The following CNTNAP3B variants were observed in gnomAD, a reference collection of about 807,000 sequenced individuals.
CNTNAP3B encodes contactin-associated protein-like 3B.
CNTNAP3B carries 25 observed loss-of-function variants against 108.9 expected under a neutral mutation model. The ratio of observed to expected loss-of-function variants is 0.23; its 90% CI spans 0.17 to 0.32. CNTNAP3B has a LOEUF of 0.32. CNTNAP3B is among the 10% of genes least tolerant of loss of function. The pLI is 1.00. For synonymous variants in CNTNAP3B, 103 were observed against 473.4 expected (o/e 0.22, Z 10.16); for missense variants, 252 against 1,210.4 (o/e 0.21, Z 11.75).
intron 12 of CNTNAP3B, among the ~76,000 whole-genome samples, chr9:41,959,726 A>G (rs1825002938): frequency 1.3e-5 from 2 of 152,262 alleles, no homozygotes; most frequent in Non-Finnish European, 2.9e-5. Context: ...TTTTTTGACA[A>G]TCTTTGCTAA....
chr9:42,034,127 G>A (rs1264091694), intron 3 of CNTNAP3B, among the ~76,000 whole-genome samples: 5 of 113,332 alleles, frequency 4.4e-5, no homozygotes, highest in African/African-American at 1.1e-4. Context: ...TCTATATATC[G>A]TCTATCTTTC....
chr9:41,965,264 C>T (rs1825234596), intron 10 of CNTNAP3B, among the ~76,000 whole-genome samples: 1 of 152,272 alleles, frequency 6.6e-6, no homozygotes, highest in South Asian at 2.1e-4. Context: ...AAACAATAAT[C>T]CATCCTAAAA....
chr9:41,942,004 C>A (rs1383109751), intron 13 of CNTNAP3B, among the ~76,000 whole-genome samples: 16,997 of 144,910 alleles, frequency 0.12, 75 homozygotes, highest in Middle Eastern at 0.18. Flanking sequence ...ACATTCTAAT[C>A]CCCCAAAAAG....
chr9:41,993,532 T>C (rs1026903395), intron 7 of CNTNAP3B: 1 of 109,372 alleles, frequency 9.1e-6, no homozygotes, highest in Non-Finnish European at 1.9e-5. Flanking sequence ...ACGAACTAAA[T>C]ACCAAAAGCT....
chr9:42,118,174 T>A (rs62558075), intron 1 of CNTNAP3B, among the ~76,000 whole-genome samples: 1,904 of 139,528 alleles, frequency 0.014, 277 homozygotes, highest in South Asian at 0.057. Context: ...TAACTCATTT[T>A]ATGAGGCCAG....
intron 15 of CNTNAP3B, among the ~76,000 whole-genome samples, chr9:41,928,505 G>A (rs1166519707): frequency 0.02 from 3,016 of 149,208 alleles, 4 homozygotes; most frequent in East Asian, 0.11. Context: ...CTGCCTACAC[G>A]ATTGGCTACA....
chr9:41,918,562 T>C (rs983122545), intron 18 of CNTNAP3B, among the ~76,000 whole-genome samples: 19 of 143,830 alleles, frequency 1.3e-4, no homozygotes, highest in African/African-American at 5.4e-5. Context: ...CCATAAAATA[T>C]AAAGAATTTA....
intron 3 of CNTNAP3B, among the ~76,000 whole-genome samples, chr9:42,024,402 CA>C (rs1185043087): frequency 1.2e-5 from 1 of 86,744 alleles, no homozygotes; most frequent in Admixed American, 1.3e-4. Flanking sequence ...ACCTTATCAT[CA>C]GGTGCCTTGC....
rs1157889644 is a variant in CNTNAP3B at position 42,117,848 on chromosome 9, A to C, written c.85+11162T>G. 2.2e-5 allele frequency among the ~76,000 whole-genome samples: 3 copies of C among 139,218 alleles called. 1 individual carries two copies. The highest frequency in any genetic ancestry group is 4.6e-5 in the Non-Finnish European group (3 of 64,984). The allele number at this position is 139,218 out of a possible 152,430, so 91.3% of individuals were successfully genotyped here. A position where few individuals can be genotyped will look rare whatever the true frequency, so the allele number is the denominator to read the frequency against. ...AATAAAAAATGACAAAGGGGATATC[A>C]CCACCGATCCCACAGAAATACAAAC... On this transcript the variant is annotated intron_variant, in intron 1 of 23. Transcript: ENST00000377561.
chr9:41,964,049 C>T (rs1287282262), intron 11 of CNTNAP3B, among the ~76,000 whole-genome samples: 5 of 152,270 alleles, frequency 3.3e-5, no homozygotes, highest in African/African-American at 1.2e-4. Context: ...ATCCCATTAC[C>T]TCTTCAAAAA....
rs769674611 is a variant in CNTNAP3B at position 41,953,378 on chromosome 9, C to T, written c.1885G>A (p.Ala629Thr). The T allele has an allele frequency of 8.4e-6, 13 of 1,548,002 alleles. No homozygotes were observed. Among genetic ancestry groups the T allele is most frequent in the African/African-American group, 1.4e-5 (1 of 73,272 alleles). The change falls in exon 13 of 24, where the codon GCG (alanine) becomes ACG (threonine). Residue 629 changes from alanine to threonine, a missense_variant. Physicochemically the swap from Ala to Thr is moderately conservative, Grantham distance 58 (BLOSUM62 0). Transcript: ENST00000377561. The part of the protein sequence containing the change: ...LVYCNMTADS[A>T]WTVVRHGGPD... Reference sequence around the variant, plus strand: ...CCACCGTGCCGCACCACCGTCCACGCGGAGTCTGCTGAGCAGAAACGGGCA... The same window carrying T: ...CCACCGTGCCGCACCACCGTCCACGTGGAGTCTGCTGAGCAGAAACGGGCA...
chr9:41,995,749 A>T (rs1825885093), intron 7 of CNTNAP3B, among the ~76,000 whole-genome samples: 1 of 133,822 alleles, frequency 7.5e-6, no homozygotes, highest in Non-Finnish European at 1.6e-5. Flanking sequence ...AAAAAAAAAA[A>T]AATTGGCCAG....
intron 2 of CNTNAP3B, among the ~76,000 whole-genome samples, chr9:42,097,512 A>G (rs1442877167): frequency 7.1e-6 from 1 of 140,162 alleles, no homozygotes; most frequent in Non-Finnish European, 1.5e-5. Flanking sequence ...AGAGTCACTG[A>G]TTCATTTCCA....
At chr9:42,115,665 G>A (rs1173362015) in intron 1 of CNTNAP3B, among the ~76,000 whole-genome samples, 2 of 117,486 alleles carry the variant, frequency 1.7e-5, no homozygotes, top group African/African-American at 3.6e-5. Flanking sequence ...ACTCTTAGAA[G>A]GAAAACTAAC....
At chr9:41,935,933 C>T (rs1194600569) in intron 14 of CNTNAP3B, among the ~76,000 whole-genome samples, 3 of 152,404 alleles carry the variant, frequency 2.0e-5, no homozygotes, top group South Asian at 4.1e-4. Context: ...TCCTCCCATC[C>T]CCTCCTCAAA....
In CNTNAP3B at chr9:42,097,652, G is replaced by T. The variant is rs1827935400; in HGVS notation, c.196+6977C>A. On this transcript the variant is annotated intron_variant, in intron 2 of 23. Coordinates refer to ENST00000377561, the MANE Select transcript of CNTNAP3B (RefSeq NM_001201380.3). ...ATCCTAATTAAATATTAGCTGAATTGTAATTGATCTTACATTTTGATTTTG... is the reference window on the plus strand; with the variant it reads ...ATCCTAATTAAATATTAGCTGAATTTTAATTGATCTTACATTTTGATTTTG... Among the ~76,000 whole-genome samples, 2 of 137,880 alleles carry T rather than the reference G, an allele frequency of 1.5e-5. 1 individual carries two copies. Among genetic ancestry groups the T allele is most frequent in the African/African-American group, 5.8e-5 (2 of 34,548 alleles). The allele number at this position is 137,880 out of a possible 152,430, so 90.5% of individuals were successfully genotyped here. A position where few individuals can be genotyped will look rare whatever the true frequency, so the allele number is the denominator to read the frequency against.
intron 13 of CNTNAP3B, among the ~76,000 whole-genome samples, chr9:41,951,053 C>A: frequency 1.2e-5 from 1 of 81,172 alleles, no homozygotes; most frequent in Non-Finnish European, 2.7e-5. Flanking sequence ...CGTGCCCAGC[C>A]AATAGGAGGA....
chr9:41,941,235 G>C (rs1171676162), intron 13 of CNTNAP3B, among the ~76,000 whole-genome samples: 1 of 150,258 alleles, frequency 6.7e-6, no homozygotes. Context: ...AATGTAAATG[G>C]TTAAAATATA....
chr9:41,945,761 GATA>G (rs1437235924), intron 13 of CNTNAP3B, among the ~76,000 whole-genome samples: 1 of 152,284 alleles, frequency 6.6e-6, no homozygotes, highest in African/African-American at 2.4e-5. Context: ...ATTAAGGTAT[GATA>G]ATAATAAAAT....
Sources: allele counts gnomAD v4.1 joint callset (sites outside exome capture counted in the v4.1 genomes callset), GRCh38; gene constraint gnomAD v4.1.1; transcripts MANE v1.5; gene names NCBI Gene and HGNC (gene_info 2026-07-23, HGNC 2026-07-21).